Variants in PPP1R1C observed in about 807,000 individuals in gnomAD.
PPP1R1C encodes protein phosphatase 1 regulatory inhibitor subunit 1C.
Under a neutral mutation model 17.4 loss-of-function variants are expected in PPP1R1C, and 15 were observed. The ratio of observed to expected loss-of-function variants is 0.86; its 90% CI spans 0.58 to 1.33. PPP1R1C has a LOEUF of 1.33. Among genes scored for constraint, PPP1R1C ranks in the 40% most tolerant of loss-of-function variants. The pLI is 0.00. For synonymous variants in PPP1R1C, 35 were observed against 43.1 expected, an observed-to-expected ratio of 0.81 and a Z score of 0.73; for missense variants, 143 against 130.0, an observed-to-expected ratio of 1.10 and a Z score of -0.48.
intron 5 of PPP1R1C, among the ~76,000 whole-genome samples, chr2:182,126,692 A>T (rs985123219): frequency 6.6e-6 from 1 of 151,958 alleles, no homozygotes; most frequent in African/African-American, 2.4e-5. Context: ...AGAGACTACC[A>T]CTCAACCGTA....
downstream of PPP1R1C, among the ~76,000 whole-genome samples, chr2:182,122,525 G>T (rs1689757799): frequency 6.6e-6 from 1 of 152,020 alleles, no homozygotes; most frequent in African/African-American, 2.4e-5. Flanking sequence ...ATATATAATT[G>T]AACGAAAGTT....
downstream of PPP1R1C, among the ~76,000 whole-genome samples, chr2:182,121,223 G>A (rs933039174): frequency 6.6e-6 from 1 of 152,060 alleles, no homozygotes; most frequent in African/African-American, 2.4e-5. Context: ...TCAACTCCAG[G>A]CTCTACCAGA....
chr2:182,078,476 G>T (rs1002654755), intron 4 of PPP1R1C, among the ~76,000 whole-genome samples: 2 of 152,150 alleles, frequency 1.3e-5, no homozygotes, highest in Non-Finnish European at 2.9e-5. Context: ...ATTCATAGGG[G>T]TCCTTAAGGT....
chr2:182,057,387 G>A (rs1352186572), intron 2 of PPP1R1C, among the ~76,000 whole-genome samples: 1 of 152,128 alleles, frequency 6.6e-6, no homozygotes, highest in East Asian at 1.9e-4. Context: ...ATTTCCCAGA[G>A]GAAATGCTGT....
rs200666418 is a variant in PPP1R1C at position 182,117,233 on chromosome 2, G to C, written c.268G>C (p.Glu90Gln). 10 of 1,560,392 alleles carry C rather than the reference G, an allele frequency of 6.4e-6. No homozygotes were observed. Among genetic ancestry groups the C allele is most frequent in the Non-Finnish European group, 7.8e-6 (9 of 1,151,804 alleles). Residue 90 changes from glutamate to glutamine, a missense_variant, in exon 5 of 5, where the codon GAA (glutamate) becomes CAA (glutamine). Glu to Gln is a conservative substitution (Grantham distance 29). Coordinates refer to ENST00000682840, the MANE Select transcript of PPP1R1C (RefSeq NM_001080545.3). ...GGTTAAGCATCTGAAAGGCCAGAAT[G>C]AATCAGCATTCCCTGAAGAAGAAGA... is the stretch of plus-strand genomic sequence containing the variant. ...KGVKHLKGQNESAFPEEEEGT... is the reference protein window; with the variant it reads ...KGVKHLKGQNQSAFPEEEEGT...
Position 181,963,906 on chromosome 2 carries a change from A to G in PPP1R1C, n.111+9272A>G, listed in dbSNP as rs180705634. On this transcript the variant is annotated intron_variant and non_coding_transcript_variant, in intron 1 of 5. Transcript: ENST00000464264. ...GGCATACAATGCATAATAATTAACT[A>G]GGAGTAAATGGGGTATCCATCACCT... Among the ~76,000 whole-genome samples, 198 of 152,270 alleles carry G rather than the reference A, an allele frequency of 1.3e-3. 1 individual carries two copies. The highest frequency in any genetic ancestry group is 4.5e-3 in the African/African-American group (186 of 41,536).
chr2:181,974,043 C>T (rs1438885707), intron 1 of PPP1R1C, among the ~76,000 whole-genome samples: 1 of 151,348 alleles, frequency 6.6e-6, no homozygotes, highest in African/African-American at 2.4e-5. Context: ...AGCATTTTAC[C>T]AAGATTGAGA....
chr2:181,984,877 G>A (rs562283397), upstream of PPP1R1C, among the ~76,000 whole-genome samples: 47 of 152,192 alleles, frequency 3.1e-4, no homozygotes, highest in African/African-American at 1.1e-3. Context: ...CTTCATAAAA[G>A]TATTCGAATG....
chr2:181,991,117 T>TA (rs1685461876), intron 2 of PPP1R1C, among the ~76,000 whole-genome samples: 1 of 151,886 alleles, frequency 6.6e-6, no homozygotes, highest in African/African-American at 2.4e-5. Context: ...TAGCTTGCTT[T>TA]TTTTTTTAAC....
intron 1 of PPP1R1C, among the ~76,000 whole-genome samples, chr2:181,974,839 AC>A (rs1360679903): frequency 6.6e-6 from 1 of 152,194 alleles, no homozygotes; most frequent in African/African-American, 2.4e-5. Context: ...CACTAGCTAT[AC>A]CTGAACATCG....
At chr2:182,064,620 G>A (rs1299652796) in intron 4 of PPP1R1C, among the ~76,000 whole-genome samples, 2 of 151,920 alleles carry the variant, frequency 1.3e-5, no homozygotes, top group African/African-American at 4.8e-5. Flanking sequence ...CTAGATTTGG[G>A]GCCTATTCAG....
chr2:182,036,041 T>C (rs1010973156), intron 2 of PPP1R1C, among the ~76,000 whole-genome samples: 1 of 152,118 alleles, frequency 6.6e-6, no homozygotes, highest in Non-Finnish European at 1.5e-5. Context: ...GGATTGTGAC[T>C]GAGCAGCAGA....
intron 2 of PPP1R1C, among the ~76,000 whole-genome samples, chr2:182,022,570 C>A (rs1686459542): frequency 6.6e-6 from 1 of 152,148 alleles, no homozygotes; most frequent in South Asian, 2.1e-4. Flanking sequence ...CAAAATAATT[C>A]TGTGAATTTT....
intron 5 of PPP1R1C, among the ~76,000 whole-genome samples, chr2:182,124,327 G>GTTTTTTTTTTTT (rs1294464668): frequency 8.4e-4 from 70 of 82,978 alleles, no homozygotes; most frequent in Non-Finnish European, 1.2e-3. Context: ...TTTTTTTTTT[G>GTTTTTTTTTTTT]TTTTTTTTTT....
chr2:182,059,247 T>G (rs907926841), intron 2 of PPP1R1C, among the ~76,000 whole-genome samples: 1 of 152,112 alleles, frequency 6.6e-6, no homozygotes, highest in African/African-American at 2.4e-5. Context: ...TGGAGAAATA[T>G]AGACAAGATA....
chr2:182,037,203 A>T (rs903987694), intron 2 of PPP1R1C, among the ~76,000 whole-genome samples: 6 of 152,240 alleles, frequency 3.9e-5, no homozygotes, highest in African/African-American at 7.2e-5. Context: ...TTGTTGACTC[A>T]TATTTCTTTC....
downstream of PPP1R1C, among the ~76,000 whole-genome samples, chr2:182,122,654 G>A (rs1426914222): frequency 1.3e-5 from 2 of 151,872 alleles, no homozygotes; most frequent in Admixed American, 6.6e-5. Flanking sequence ...TTTAAATATG[G>A]AAAGATAAAA....
At chr2:181,987,453 T>A (rs570225979) in intron 1 of PPP1R1C, among the ~76,000 whole-genome samples, 1 of 152,314 alleles carries the variant, frequency 6.6e-6, no homozygotes, top group South Asian at 2.1e-4. Flanking sequence ...AAGCTCTTCC[T>A]TATCCTGTTT....
chr2:182,001,432 G>A (rs1685765261), intron 2 of PPP1R1C, among the ~76,000 whole-genome samples: 2 of 152,078 alleles, frequency 1.3e-5, no homozygotes, highest in Admixed American at 6.6e-5. Flanking sequence ...AAATGGTAAT[G>A]CTGGAAAACT....
Sources: gnomAD v4.1 joint callset for allele counts (sites outside exome capture counted in the v4.1 genomes callset) on GRCh38, gnomAD v4.1.1 for gene constraint, MANE v1.5 for transcripts, NCBI Gene and HGNC (gene_info 2026-07-23, HGNC 2026-07-21) for gene names.